Variants in MYO5A observed in about 807,000 individuals in gnomAD.
The protein encoded by MYO5A is unconventional myosin-Va.
Under a neutral mutation model 249.7 loss-of-function variants are expected in MYO5A, and 98 were observed. The observed-to-expected ratio is 0.39, with a 90% CI of 0.33 to 0.46. The LOEUF (loss-of-function observed/expected upper bound fraction) is 0.46. MYO5A is among the 20% of genes least tolerant of loss of function. The pLI, the probability that MYO5A is intolerant of heterozygous loss-of-function variation, is 0.98. For missense variants in MYO5A, 1,696 were observed against 2,308.8 expected (o/e 0.73, Z 5.44); for synonymous variants, 778 against 810.6 (o/e 0.96, Z 0.68).
At chr15:52,500,034 C>CA (rs369024177) in intron 1 of MYO5A, among the ~76,000 whole-genome samples, 255 of 152,158 alleles carry the variant, frequency 1.7e-3, no homozygotes, top group African/African-American at 5.8e-3. Flanking sequence ...GCGTAGGTGA[C>CA]AGAGGAATAC....
At chr15:52,515,559 A>T (rs2077479750) in intron 1 of MYO5A, among the ~76,000 whole-genome samples, 1 of 152,264 alleles carries the variant, frequency 6.6e-6, no homozygotes, top group South Asian at 2.1e-4. Context: ...TTTAATCTTC[A>T]TAACAACCCT....
At chr15:52,364,148 G>C (rs1050447754) in intron 24 of MYO5A, among the ~76,000 whole-genome samples, 1 of 151,894 alleles carries the variant, frequency 6.6e-6, no homozygotes. Flanking sequence ...TGAGGCAGGA[G>C]AATCACTTGA....
At chr15:52,519,738 C>CT (rs369982503) in intron 1 of MYO5A, among the ~76,000 whole-genome samples, 48 of 148,292 alleles carry the variant, frequency 3.2e-4, no homozygotes, top group African/African-American at 5.2e-4. Context: ...CGCTCCATGG[C>CT]TTTTTTTTTT....
intron 30 of MYO5A, among the ~76,000 whole-genome samples, chr15:52,344,721 C>T (rs764412650): frequency 2.6e-5 from 4 of 152,220 alleles, no homozygotes; most frequent in African/African-American, 4.8e-5. Flanking sequence ...CTACTTAACA[C>T]CTTTCAGAGG....
At chr15:52,437,790 C>G (rs2075699121) in intron 1 of MYO5A, among the ~76,000 whole-genome samples, 1 of 152,132 alleles carries the variant, frequency 6.6e-6, no homozygotes, top group African/African-American at 2.4e-5. Context: ...GGAGCTCCAG[C>G]TCAGATTTCC....
intron 1 of MYO5A, among the ~76,000 whole-genome samples, chr15:52,522,196 GAAGAT>G (rs1424892428): frequency 2.0e-5 from 3 of 152,206 alleles, no homozygotes; most frequent in Non-Finnish European, 2.9e-5. Context: ...AGATGTTGGG[GAAGAT>G]AAGAGACAAA....
intron 30 of MYO5A, among the ~76,000 whole-genome samples, chr15:52,345,601 AAGAT>A (rs2039583815): frequency 6.6e-6 from 1 of 151,790 alleles, no homozygotes; most frequent in African/African-American, 2.4e-5. Context: ...AAAAAAAAGA[AAGAT>A]AAAGAAAAGA....
At position 52,465,602 on chromosome 15, in the gene MYO5A, C is replaced by T. The variant is rs774355513; in HGVS notation, c.28-32317G>A. ...AATTCAGGAATTCGAAAGTATAGTGCGCTATGATCATGCCACTGCACTCCA... is the reference window on the plus strand; with the variant it reads ...AATTCAGGAATTCGAAAGTATAGTGTGCTATGATCATGCCACTGCACTCCA... On this transcript the variant is annotated intron_variant, in intron 1 of 41. Coordinates refer to ENST00000399233, the MANE Select transcript of MYO5A (RefSeq NM_001382347.1). Among the ~76,000 whole-genome samples, 8 of 151,918 alleles carry T rather than the reference C, an allele frequency of 5.3e-5. No homozygotes were observed. The South Asian group carries it at 6.2e-4, about 12-fold the overall frequency.
chr15:52,407,882 A>T (rs2043076657), intron 7 of MYO5A, among the ~76,000 whole-genome samples, 177 bp downstream of exon 7: 1 of 152,200 alleles, frequency 6.6e-6, no homozygotes. Flanking sequence ...CCATTTATAC[A>T]GCCACTTACT....
At chr15:52,462,050 TCAGGAGATGGAGAC>T (rs1276463181) in intron 1 of MYO5A, among the ~76,000 whole-genome samples, 4 of 148,222 alleles carry the variant, frequency 2.7e-5, no homozygotes, top group Non-Finnish European at 5.9e-5. Flanking sequence ...GATCACGAGG[TCAGGAGATGGAGAC>T]CATCCCAACT....
intron 1 of MYO5A, among the ~76,000 whole-genome samples, chr15:52,509,584 T>C (rs2077349126): frequency 6.6e-6 from 1 of 152,250 alleles, no homozygotes; most frequent in African/African-American, 2.4e-5. Context: ...TGTCCCATAC[T>C]TGTAACACAC....
chr15:52,327,812 T>C (rs191156404), intron 36 of MYO5A, 40 bp downstream of exon 36: 1 of 1,556,702 alleles, frequency 6.4e-7, no homozygotes, highest in Non-Finnish European at 8.9e-7. Context: ...CTGTCATCAT[T>C]AACAATTCAT....
chr15:52,328,157 A>G (rs935432097), intron 35 of MYO5A, 151 bp from the exon 36 acceptor site: 3 of 661,408 alleles, frequency 4.5e-6, no homozygotes, highest in Non-Finnish European at 7.6e-6. Flanking sequence ...CTCTTTAAGT[A>G]GAAAAATTCT....
chr15:52,323,415 G>A lies in MYO5A; in HGVS notation c.4740C>T (p.Ser1580=). 1 of 1,613,652 alleles carries A rather than the reference G, an allele frequency of 6.2e-7. No homozygotes were observed. The highest frequency in any genetic ancestry group is 8.5e-7 in the Non-Finnish European group (1 of 1,179,714). The change falls in exon 37 of 42, where the codon TCC becomes TCT. Residue 1580 remains serine, a synonymous_variant. Coordinates refer to ENST00000399233, the MANE Select transcript of MYO5A (RefSeq NM_001382347.1). ...KKRGDDFETV[S]FWLSNTCRFL... ...ATCGGCATGTGTTAGAGAGCCAGAA[G>A]GAGACGGTTTCAAAATCATCACCTC...
At chr15:52,400,340 G>A (rs1403539546) in intron 9 of MYO5A, among the ~76,000 whole-genome samples, 1 of 151,836 alleles carries the variant, frequency 6.6e-6, no homozygotes, top group East Asian at 1.9e-4. Flanking sequence ...GCAGGGTAGG[G>A]GACTGGAGAT....
At chr15:52,316,489 A>G (rs188389357) in intron 40 of MYO5A, among the ~76,000 whole-genome samples, 182 of 152,322 alleles carry the variant, frequency 1.2e-3, no homozygotes, top group Non-Finnish European at 1.9e-3. Context: ...CCTCTACGGT[A>G]GAGTCAGTTG....
intron 11 of MYO5A, among the ~76,000 whole-genome samples, chr15:52,392,839 A>T (rs1159233046): frequency 6.6e-6 from 1 of 152,280 alleles, no homozygotes; most frequent in Non-Finnish European, 1.5e-5. Context: ...GACAGAAACC[A>T]AATAACCATA....
chr15:52,332,914 G>A (rs193069744), intron 34 of MYO5A, among the ~76,000 whole-genome samples: 3 of 152,242 alleles, frequency 2.0e-5, no homozygotes, highest in East Asian at 1.9e-4. Flanking sequence ...GCAGTGAGCC[G>A]AGATCACGCC....
intron 1 of MYO5A, among the ~76,000 whole-genome samples, chr15:52,496,425 G>A (rs930170847): frequency 2.6e-5 from 4 of 152,190 alleles, no homozygotes; most frequent in Admixed American, 1.3e-4. Flanking sequence ...AAATGGACAC[G>A]GAATGACTAG....
Sources: allele counts gnomAD v4.1 joint callset (sites outside exome capture counted in the v4.1 genomes callset), GRCh38; gene constraint gnomAD v4.1.1; transcripts MANE v1.5; gene names NCBI Gene and HGNC (gene_info 2026-07-23, HGNC 2026-07-21).